Variants in C8orf74 observed in about 807,000 individuals in gnomAD.
C8orf74 encodes chromosome 8 open reading frame 74.
In C8orf74, 29 loss-of-function variants were observed where a neutral mutation model predicts 22.2. The ratio of observed to expected loss-of-function variants is 1.31; its 90% CI spans 0.97 to 1.78. The LOEUF (loss-of-function observed/expected upper bound fraction) is 1.78. C8orf74 is among the 40% of genes most tolerant of loss of function. C8orf74 has a pLI of 0.00. For synonymous variants in C8orf74, 255 were observed against 163.1 expected (o/e 1.56, Z -4.30); for missense variants, 515 against 369.9 (o/e 1.39, Z -3.22).
At chr8:10,681,253 A>T (rs575060128) in intron 2 of C8orf74, among the ~76,000 whole-genome samples, 1 of 152,190 alleles carries the variant, frequency 6.6e-6, no homozygotes, top group Admixed American at 6.5e-5. Context: ...TCTCCACACC[A>T]GGCCAGAAGA....
intron 2 of C8orf74, among the ~76,000 whole-genome samples, chr8:10,696,455 T>C: frequency 7.1e-6 from 1 of 141,690 alleles, no homozygotes; most frequent in East Asian, 2.0e-4. Flanking sequence ...TTTTTTTTTT[T>C]TTTTTTTTGA....
chr8:10,693,224 CT>C (rs777358673), intron 2 of C8orf74, among the ~76,000 whole-genome samples: 71 of 152,334 alleles, frequency 4.7e-4, no homozygotes, highest in Middle Eastern at 3.4e-3. Flanking sequence ...ACCACAGGGC[CT>C]TTGCACAAGC....
intron 3 of C8orf74, among the ~76,000 whole-genome samples, chr8:10,698,926 C>CACAT (rs1799592370): frequency 6.6e-6 from 1 of 151,378 alleles, no homozygotes; most frequent in Non-Finnish European, 1.5e-5. Context: ...CACACACACA[C>CACAT]ACACACACAC....
At chr8:10,691,405 G>C (rs1187737237) in intron 2 of C8orf74, 1 of 159,308 alleles carries the variant, frequency 6.3e-6, no homozygotes, top group African/African-American at 2.4e-5. Flanking sequence ...CTCAGAGGCT[G>C]GCCTTCGCCA....
chr8:10,681,484 G>C (rs1456019751), intron 2 of C8orf74, among the ~76,000 whole-genome samples: 1 of 152,128 alleles, frequency 6.6e-6, no homozygotes, highest in African/African-American at 2.4e-5. Flanking sequence ...AGAGGGATGT[G>C]GGGGCCTTGA....
chr8:10,683,760 A>T (rs1265646490), intron 2 of C8orf74, among the ~76,000 whole-genome samples: 1 of 152,192 alleles, frequency 6.6e-6, no homozygotes, highest in Non-Finnish European at 1.5e-5. Context: ...ACATCCAGGA[A>T]TCCCGTCTTT....
At chr8:10,685,591 C>A (rs1303607153) in intron 2 of C8orf74, among the ~76,000 whole-genome samples, 5 of 152,050 alleles carry the variant, frequency 3.3e-5, no homozygotes, top group Non-Finnish European at 7.4e-5. Context: ...ACAGAGTAGT[C>A]AAATTCATAG....
intron 2 of C8orf74, among the ~76,000 whole-genome samples, chr8:10,684,074 G>T (rs1293558747): frequency 6.6e-6 from 1 of 152,176 alleles, no homozygotes; most frequent in Non-Finnish European, 1.5e-5. Context: ...CAGGGAAGGG[G>T]ATGATGATCA....
At chr8:10,684,154 C>A (rs1308594008) in intron 2 of C8orf74, among the ~76,000 whole-genome samples, 1 of 152,198 alleles carries the variant, frequency 6.6e-6, no homozygotes, top group Non-Finnish European at 1.5e-5. Flanking sequence ...CCATGGCAGT[C>A]TTGGGTGGAT....
At chr8:10,690,486 A>T (rs150819629) in intron 2 of C8orf74, among the ~76,000 whole-genome samples, 179 of 152,232 alleles carry the variant, frequency 1.2e-3, no homozygotes, top group African/African-American at 4.1e-3. Flanking sequence ...GCTTCCCACC[A>T]CACTGGGCCA....
At chr8:10,687,864 G>A (rs1226629926) in intron 2 of C8orf74, among the ~76,000 whole-genome samples, 1 of 152,068 alleles carries the variant, frequency 6.6e-6, no homozygotes, top group South Asian at 2.1e-4. Flanking sequence ...TTCTCAGAAA[G>A]TGTGCCCATT....
intron 2 of C8orf74, among the ~76,000 whole-genome samples, chr8:10,686,254 G>C (rs961996053): frequency 1.3e-5 from 2 of 152,130 alleles, no homozygotes; most frequent in African/African-American, 2.4e-5. Flanking sequence ...GGAGGATCTG[G>C]ACTGAGACCT....
At position 10,700,569 on chromosome 8, in the gene C8orf74, G is replaced by C. The variant is rs541158887; in HGVS notation, c.*98G>C. ...CTCAGCACCCACAGAGAGACTTCTT[G>C]TGATTAAAAGAAACAAACCCATGCC... On this transcript the variant is annotated 3_prime_UTR_variant, in exon 4 of 4. Transcript: ENST00000304519. 2.8e-6 allele frequency: 2 copies of C among 723,082 alleles called. No individual in the cohort carries two copies. The highest frequency in any genetic ancestry group is 1.8e-5 in the African/African-American group (1 of 55,452). 44.8% of individuals were successfully genotyped at this position (723,082 alleles called of 1,614,324 possible).
rs550818930 is a variant in C8orf74, at chr8:10,699,337, A to ACAC, written c.649-894_649-892dup. Among the ~76,000 whole-genome samples, 570 of 152,350 alleles carry ACAC rather than the reference A, an allele frequency of 3.7e-3. 1 individual carries two copies. Among genetic ancestry groups the ACAC allele is most frequent in the Admixed American group, 6.7e-3 (102 of 15,304 alleles). ...GGCACTCAAGGGCATAGAACAAAAA[A>ACAC]CACCACGCATTCTCTTATAGCACAA... On this transcript the variant is annotated intron_variant, in intron 3 of 3. Coordinates refer to ENST00000304519, the MANE Select transcript of C8orf74 (RefSeq NM_001040032.2).
intron 2 of C8orf74, chr8:10,689,477 T>C (rs1263734329): frequency 4.6e-5 from 7 of 152,242 alleles, no homozygotes; most frequent in Admixed American, 4.6e-4. Flanking sequence ...TAAAGCTCTA[T>C]TTAATCTCCC....
At position 10,697,687 on chromosome 8, in the gene C8orf74, C is replaced by G. The variant is rs774775595; in HGVS notation, c.330C>G (p.Leu110=). The G allele has an allele frequency of 1.4e-5, 22 of 1,614,036 alleles. 1 individual carries two copies. Among genetic ancestry groups the G allele is most frequent in the South Asian group, 3.3e-5 (3 of 91,086 alleles). Residue 110 remains leucine (L), a synonymous_variant, in exon 3 of 4, where the codon CTC becomes CTG. Coordinates refer to ENST00000304519, the MANE Select transcript of C8orf74 (RefSeq NM_001040032.2). The stretch of plus-strand genomic sequence containing the variant: ...TCAACACCACCCACCTGCTGGCCCT[C>G]TGTGACTACTTCCACCACACCTTCA... ...GHFNTTHLLA[L]CDYFHHTFIR...
chr8:10,679,329 C>A (rs1008207946), intron 2 of C8orf74, among the ~76,000 whole-genome samples: 1 of 152,292 alleles, frequency 6.6e-6, no homozygotes, highest in African/African-American at 2.4e-5. Flanking sequence ...AACTTTAGGT[C>A]TCCTGCATGC....
At chr8:10,679,635 C>T (rs1034143858) in intron 2 of C8orf74, among the ~76,000 whole-genome samples, 1 of 152,246 alleles carries the variant, frequency 6.6e-6, no homozygotes, top group South Asian at 2.1e-4. Context: ...CTGATCTTGG[C>T]CCCTCCGCGT....
intron 2 of C8orf74, among the ~76,000 whole-genome samples, chr8:10,694,060 C>T (rs1190819882): frequency 3.3e-5 from 5 of 152,228 alleles, no homozygotes; most frequent in Non-Finnish European, 7.3e-5. Flanking sequence ...GGCTCAGCCT[C>T]ACTCTGGGAT....
Sources: allele counts gnomAD v4.1 joint callset (sites outside exome capture counted in the v4.1 genomes callset), GRCh38; gene constraint gnomAD v4.1.1; transcripts MANE v1.5; gene names NCBI Gene and HGNC (gene_info 2026-07-23, HGNC 2026-07-21).